MAGI2: variants seen among roughly 807,000 people sequenced by gnomAD.
The protein encoded by MAGI2 is membrane-associated guanylate kinase, WW and PDZ domain-containing protein 2.
Under a neutral mutation model 133.3 loss-of-function variants are expected in MAGI2, and 35 were observed. The observed-to-expected ratio is 0.26, with a 90% CI of 0.20 to 0.35. The LOEUF is 0.35. Among genes scored for constraint, MAGI2 ranks in the 10% least tolerant of loss-of-function variants. The pLI, the probability that MAGI2 is intolerant of heterozygous loss-of-function variation, is 1.00. For missense variants in MAGI2, 1,636 were observed against 1,863.4 expected (o/e 0.88, Z 2.25); for synonymous variants, 729 against 710.6 (o/e 1.03, Z -0.41).
At position 78,339,277 on chromosome 7, in the gene MAGI2, A is replaced by T. The variant is rs150096777; in HGVS notation, c.1408+4501T>A. On this transcript the variant is annotated intron_variant, in intron 9 of 21. Coordinates refer to ENST00000354212, the MANE Select transcript of MAGI2 (RefSeq NM_012301.4). ...AAATAGGAGACGGTGAATAGAATTA[A>T]ATCTTTGGTTCTTTTATCTTGCCTA... 1.7e-4 allele frequency among the ~76,000 whole-genome samples: 26 copies of T among 152,310 alleles called. 1 individual carries two copies. In the East Asian group the frequency reaches 4.8e-3, roughly 28 times the overall value.
intron 3 of MAGI2, among the ~76,000 whole-genome samples, chr7:78,556,603 A>G (rs1482390067): frequency 6.6e-6 from 1 of 152,176 alleles, no homozygotes. Context: ...TATAGGTGAG[A>G]AGAGCCCTGG....
chr7:78,449,622 A>C (rs929428287), intron 6 of MAGI2, among the ~76,000 whole-genome samples: 2 of 152,098 alleles, frequency 1.3e-5, no homozygotes, highest in Admixed American at 6.6e-5. Context: ...TAGAATAAGT[A>C]CCTATTTTTG....
At chr7:79,315,606 C>G (rs922725087) in intron 1 of MAGI2, among the ~76,000 whole-genome samples, 19 of 152,054 alleles carry the variant, frequency 1.2e-4, no homozygotes, top group African/African-American at 4.1e-4. Flanking sequence ...CGTACCACAG[C>G]TGTATCATAA....
chr7:78,948,338 T>C (rs930053505), intron 2 of MAGI2, among the ~76,000 whole-genome samples: 46 of 152,112 alleles, frequency 3.0e-4, no homozygotes, highest in African/African-American at 1.0e-3. Flanking sequence ...ACAAACACAA[T>C]TGTACTTAGC....
At chr7:79,126,048 T>C (rs1447310210) in intron 1 of MAGI2, among the ~76,000 whole-genome samples, 1 of 152,376 alleles carries the variant, frequency 6.6e-6, no homozygotes, top group African/African-American at 2.4e-5. Flanking sequence ...CTGTGAAAAG[T>C]GTAAAGCATT....
chr7:78,773,417 C>T (rs192855717), intron 2 of MAGI2, among the ~76,000 whole-genome samples: 1 of 152,212 alleles, frequency 6.6e-6, no homozygotes, highest in African/African-American at 2.4e-5. Flanking sequence ...ACTCAAGGAA[C>T]AAACTGAAGT....
At chr7:79,444,924 G>T (rs1848739255) in intron 1 of MAGI2, among the ~76,000 whole-genome samples, 2 of 152,250 alleles carry the variant, frequency 1.3e-5, no homozygotes, top group Non-Finnish European at 2.9e-5. Context: ...ATATTACAAG[G>T]CTACAGTAAC....
chr7:78,743,640 C>T (rs767141330), intron 2 of MAGI2, among the ~76,000 whole-genome samples: 7 of 152,140 alleles, frequency 4.6e-5, no homozygotes, highest in African/African-American at 7.2e-5. Context: ...ATATCTGTCA[C>T]ATACTAAGCA....
At chr7:78,467,383 G>A (rs1790743833) in intron 6 of MAGI2, among the ~76,000 whole-genome samples, 1 of 152,026 alleles carries the variant, frequency 6.6e-6, no homozygotes, top group Admixed American at 6.6e-5. Context: ...TCACTGATCA[G>A]AACTAATTGG....
rs571979665 is a variant in MAGI2, at chr7:78,074,449, T to C, written c.3706+4498A>G. ...CAAAGCTGTCCTGAATTTTGAATCA[T>C]AGGGATATCAAAAGGAGGACTGGTT... On this transcript the variant is annotated intron_variant, in intron 21 of 21. Coordinates refer to ENST00000354212, the MANE Select transcript of MAGI2 (RefSeq NM_012301.4). Among the ~76,000 whole-genome samples the C allele has an allele frequency of 3.3e-5, 5 of 152,288 alleles. No homozygotes were observed. In the East Asian group the frequency reaches 9.6e-4, roughly 29 times the overall value.
In MAGI2 at chr7:78,544,639, G is replaced by A. The variant is rs751964686; in HGVS notation, c.539-22994C>T. Among the ~76,000 whole-genome samples the A allele has an allele frequency of 1.6e-4, 25 of 152,234 alleles. No individual in the cohort carries two copies. In the Middle Eastern group the frequency reaches 0.01, roughly 62 times the overall value. ...TAGCATCAGCCTCACCTCGAAACATGTTGGAATTGCAAACTCTGAAGTATA... is the reference window on the plus strand; with the variant it reads ...TAGCATCAGCCTCACCTCGAAACATATTGGAATTGCAAACTCTGAAGTATA... On this transcript the variant is annotated intron_variant, in intron 3 of 21. Coordinates refer to ENST00000354212, the MANE Select transcript of MAGI2 (RefSeq NM_012301.4).
At chr7:78,563,832 G>T (rs1220839110) in intron 3 of MAGI2, among the ~76,000 whole-genome samples, 1 of 152,106 alleles carries the variant, frequency 6.6e-6, no homozygotes, top group African/African-American at 2.4e-5. Flanking sequence ...AAAATATTAC[G>T]CACTAACGTT....
chr7:78,364,077 C>T (rs1360307035), intron 7 of MAGI2, among the ~76,000 whole-genome samples: 3 of 152,160 alleles, frequency 2.0e-5, no homozygotes, highest in African/African-American at 7.2e-5. Flanking sequence ...CAAGATCTCA[C>T]AGCTGGCGAG....
intron 20 of MAGI2, among the ~76,000 whole-genome samples, chr7:78,095,113 C>A (rs938697502): frequency 6.6e-6 from 1 of 152,124 alleles, no homozygotes; most frequent in Non-Finnish European, 1.5e-5. Context: ...TTACTTTGTG[C>A]CAGGTCATGT....
chr7:79,420,692 G>A (rs1163281083), intron 1 of MAGI2, among the ~76,000 whole-genome samples: 2 of 151,722 alleles, frequency 1.3e-5, no homozygotes, highest in East Asian at 1.9e-4. Flanking sequence ...TTGCATCTAC[G>A]CCACCAAGAT....
At chr7:78,874,360 C>G (rs575228763) in intron 2 of MAGI2, among the ~76,000 whole-genome samples, 1 of 152,180 alleles carries the variant, frequency 6.6e-6, no homozygotes, top group Admixed American at 6.5e-5. Flanking sequence ...CAAGTACATA[C>G]AAATATTTAG....
At chr7:78,416,018 G>C (rs2151388413) in intron 6 of MAGI2, among the ~76,000 whole-genome samples, 1 of 152,230 alleles carries the variant, frequency 6.6e-6, no homozygotes, top group South Asian at 2.1e-4. Flanking sequence ...GCAGAATGGA[G>C]AAGAATGGAC....
chr7:78,369,075 C>T (rs756968956), intron 7 of MAGI2, 81 bp downstream of exon 7: 167 of 978,724 alleles, frequency 1.7e-4, no homozygotes, highest in Non-Finnish European at 2.3e-4. Flanking sequence ...GGGCTGTGAG[C>T]CACACATGCT....
At chr7:79,371,972 A>G (rs534187608) in intron 1 of MAGI2, among the ~76,000 whole-genome samples, 1 of 152,296 alleles carries the variant, frequency 6.6e-6, no homozygotes, top group African/African-American at 2.4e-5. Context: ...ATTAAGTTGC[A>G]TGCTTTACAG....
Sources: allele counts gnomAD v4.1 joint callset (sites outside exome capture counted in the v4.1 genomes callset), GRCh38; gene constraint gnomAD v4.1.1; transcripts MANE v1.5; gene names NCBI Gene and HGNC (gene_info 2026-07-23, HGNC 2026-07-21).